Variants in USP8 observed in about 807,000 individuals in gnomAD.
The protein encoded by USP8 is ubiquitin specific peptidase 8, also known as ubiquitin carboxyl-terminal hydrolase 8.
In USP8, 27 loss-of-function variants were observed where a neutral mutation model predicts 130.0. The observed-to-expected ratio is 0.21, with a 90% CI of 0.15 to 0.29. The LOEUF (loss-of-function observed/expected upper bound fraction) is 0.29. USP8 is among the 10% of genes least tolerant of loss of function. USP8 has a pLI of 1.00. For missense variants in USP8, 1,029 were observed against 1,312.2 expected (o/e 0.78, Z 3.33); for synonymous variants, 392 against 444.1 (o/e 0.88, Z 1.48).
At position 50,443,682 on chromosome 15, in the gene USP8, C is replaced by T. The variant is rs990656699; in HGVS notation, c.249+2189C>T. Among the ~76,000 whole-genome samples, 4 of 151,982 alleles carry T rather than the reference C, an allele frequency of 2.6e-5. No individual in the cohort carries two copies. The East Asian group carries it at 7.7e-4, about 29-fold the overall frequency. On this transcript the variant is annotated intron_variant, in intron 3 of 19. Coordinates refer to ENST00000307179, the MANE Select transcript of USP8 (RefSeq NM_005154.5). ...TGTTTTTAGTAGAGATGGGCTTTCA[C>T]CATATTGGCCAGGCTGGTCTTGAAC...
intron 4 of USP8, among the ~76,000 whole-genome samples, chr15:50,450,586 C>G (rs2050600167): frequency 6.6e-6 from 1 of 150,932 alleles, no homozygotes; most frequent in Non-Finnish European, 1.5e-5. Context: ...ATTCTCCTGC[C>G]TCAGCCTCCT....
rs140346578 is a variant in USP8, at chr15:50,482,505, T to C, written c.1803+440T>C. On this transcript the variant is annotated intron_variant, in intron 11 of 19. Transcript: ENST00000307179. ...AAATGGCCTAACATTTATCTTTGCA[T>C]ATAGTGATTTTTTGGTCAGATCGGT... 3.7e-3 allele frequency among the ~76,000 whole-genome samples: 567 copies of C among 152,348 alleles called. 4 individuals carry two copies. The highest frequency in any genetic ancestry group is 0.013 in the African/African-American group (550 of 41,582).
intron 1 of USP8, among the ~76,000 whole-genome samples, chr15:50,438,628 A>G (rs2050156687): frequency 6.6e-6 from 1 of 152,176 alleles, no homozygotes; most frequent in Non-Finnish European, 1.5e-5. Flanking sequence ...TAAAAAATAA[A>G]TGGATATCAA....
rs777475376 is a variant in USP8, at chr15:50,459,146, A to C, written c.482A>C (p.Lys161Thr). ...TCTTTGGAGAATGTTTTGGATTCCA[A>C]AGACAAAACCCAAAAGGTATTTCAA... Reference protein sequence around the residue: ...KGSLENVLDSKDKTQKSNGEK... With the variant: ...KGSLENVLDSTDKTQKSNGEK... Residue 161 changes from lysine (K) to threonine (T), a missense_variant, in exon 5 of 20, where the codon AAA (lysine) becomes ACA (threonine). Coordinates refer to ENST00000307179, the MANE Select transcript of USP8 (RefSeq NM_005154.5). The C allele has an allele frequency of 6.2e-7, 1 of 1,607,540 alleles. No homozygotes were observed. Among genetic ancestry groups the C allele is most frequent in the Non-Finnish European group, 8.5e-7 (1 of 1,178,550 alleles).
rs1432091225 is a variant in USP8, at chr15:50,512,968, A to G, written c.*13880A>G. On this transcript the variant is annotated 3_prime_UTR_variant, in exon 20 of 20. Transcript: ENST00000307179. ...CTAACCCATGTAACATATAACAAGG[A>G]TCTAGAACATGTAAATGACTCTTTC... 1.3e-5 allele frequency: 2 copies of G among 152,240 alleles called. No homozygotes were observed. The highest frequency in any genetic ancestry group is 2.9e-5 in the Non-Finnish European group (2 of 68,040). 9.4% of individuals were successfully genotyped at this position (152,240 alleles called of 1,614,324 possible). A position where few individuals can be genotyped will look rare whatever the true frequency, so the allele number is the denominator to read the frequency against.
rs903905491 is a variant in USP8 at position 50,468,375 on chromosome 15, TG to T, written c.686+3187del. On this transcript the variant is annotated intron_variant, in intron 7 of 19. Coordinates refer to ENST00000307179, the MANE Select transcript of USP8 (RefSeq NM_005154.5). The stretch of plus-strand genomic sequence containing the variant: ...CTCATGTCTCAGCCTCCCAAGTGGC[TG>T]GGATTATAGGTGTGCGCCACCACAC... Among the ~76,000 whole-genome samples, 6 of 151,592 alleles carry T rather than the reference TG, an allele frequency of 4.0e-5. No homozygotes were observed. In the South Asian group the frequency reaches 1.3e-3, roughly 32 times the overall value.
chr15:50,459,261 A>G (rs2050899035), intron 5 of USP8, 99 bp downstream of exon 5: 1 of 1,419,986 alleles, frequency 7.0e-7, no homozygotes. Context: ...CTTTTAGGCA[A>G]CAAGGATGAA....
At chr15:50,481,277 G>A (rs912339172) in intron 10 of USP8, among the ~76,000 whole-genome samples, 5 of 152,152 alleles carry the variant, frequency 3.3e-5, no homozygotes, top group Non-Finnish European at 7.3e-5. Context: ...GAATCAAGAG[G>A]ATGTAAGTTC....
At chr15:50,488,081 A>G (rs555673242) in intron 12 of USP8, among the ~76,000 whole-genome samples, 20 of 152,252 alleles carry the variant, frequency 1.3e-4, no homozygotes, top group African/African-American at 4.6e-4. Context: ...CGTTTTCTTG[A>G]TGGAGTTTCT....
intron 1 of USP8, chr15:50,432,213 G>C (rs1013462203): frequency 6.6e-6 from 1 of 152,204 alleles, no homozygotes; most frequent in Admixed American, 6.5e-5. Flanking sequence ...TCTTCTTGTA[G>C]CTGAGACCTC....
chr15:50,473,338 T>C (rs1402729358), intron 8 of USP8, among the ~76,000 whole-genome samples: 2 of 152,176 alleles, frequency 1.3e-5, no homozygotes, highest in Admixed American at 1.3e-4. Context: ...AAATCTTCTG[T>C]AGATTCCTTA....
Position 50,499,084 on chromosome 15 carries a change from C to A in USP8, c.3353C>A (p.Thr1118Lys). ...SLGPRVTDVA[T>K] ...GGACCACGAGTAACTGATGTAGCCACATAAGGAGACATAGGTTATAAACTA... is the reference window on the plus strand; with the variant it reads ...GGACCACGAGTAACTGATGTAGCCAAATAAGGAGACATAGGTTATAAACTA... The change falls in exon 20 of 20, where the codon ACA becomes AAA. Residue 1118 changes from threonine (T) to lysine (K), a missense_variant. Coordinates refer to ENST00000307179, the MANE Select transcript of USP8 (RefSeq NM_005154.5). The A allele has an allele frequency of 6.3e-7, 1 of 1,598,238 alleles. No homozygotes were observed. Among genetic ancestry groups the A allele is most frequent in the Non-Finnish European group, 8.5e-7 (1 of 1,172,530 alleles).
chr15:50,457,444 G>A (rs940613777), intron 4 of USP8, among the ~76,000 whole-genome samples: 1 of 151,806 alleles, frequency 6.6e-6, no homozygotes, highest in African/African-American at 2.4e-5. Context: ...GGTAGTCCCA[G>A]CTACTTGGGA....
At chr15:50,462,356 G>A in intron 6 of USP8, 34 bp downstream of exon 6, 1 of 1,564,794 alleles carries the variant, frequency 6.4e-7, no homozygotes, top group Non-Finnish European at 8.6e-7. Context: ...GTTGTTTTAG[G>A]TTCTGACTGA....
intron 15 of USP8, chr15:50,493,365 G>A: frequency 1.9e-6 from 1 of 519,826 alleles, no homozygotes; most frequent in South Asian, 1.4e-5. Context: ...ATTTCATGTT[G>A]ACATCAAGAA....
chr15:50,430,216 G>C (rs542855589), intron 1 of USP8, among the ~76,000 whole-genome samples: 1 of 152,172 alleles, frequency 6.6e-6, no homozygotes, highest in African/African-American at 2.4e-5. Context: ...TCACTCTTTA[G>C]AACTAGGGCT....
At chr15:50,477,797 C>T (rs1425092938) in intron 10 of USP8, among the ~76,000 whole-genome samples, 1 of 150,334 alleles carries the variant, frequency 6.7e-6, no homozygotes, top group Non-Finnish European at 1.5e-5. Context: ...GTCGAGATTG[C>T]ACCACTGCAC....
chr15:50,473,118 A>G (rs1190745130), intron 8 of USP8, among the ~76,000 whole-genome samples: 1 of 152,230 alleles, frequency 6.6e-6, no homozygotes, highest in Non-Finnish European at 1.5e-5. Flanking sequence ...TGGCAACTTT[A>G]CTAGTATCAG....
Position 50,439,024 on chromosome 15 carries a change from A to G in USP8, c.-50A>G, listed in dbSNP as rs749881129. On this transcript the variant is annotated 5_prime_UTR_variant, in exon 2 of 20. Transcript: ENST00000307179. ...TTTGTTTCAGGAAAGAAGCACTTGTAAGGAAATATAGCATCCATTGTGAAA... is the reference window on the plus strand; with the variant it reads ...TTTGTTTCAGGAAAGAAGCACTTGTGAGGAAATATAGCATCCATTGTGAAA... 4.6e-6 allele frequency: 6 copies of G among 1,298,130 alleles called. No homozygotes were observed. The highest frequency in any genetic ancestry group is 6.6e-6 in the Non-Finnish European group (6 of 910,762). The allele number at this position is 1,298,130 out of a possible 1,614,324, so 80.4% of individuals were successfully genotyped here.
Sources: gnomAD v4.1 joint callset for allele counts (sites outside exome capture counted in the v4.1 genomes callset) on GRCh38, gnomAD v4.1.1 for gene constraint, MANE v1.5 for transcripts, NCBI Gene and HGNC (gene_info 2026-07-23, HGNC 2026-07-21) for gene names.